XG: variants seen among roughly 807,000 people sequenced by gnomAD.
XG encodes the protein Xg glycoprotein (Xg blood group).
Under a neutral mutation model 25.7 loss-of-function variants are expected in XG, and 24 were observed. The observed-to-expected ratio is 0.93, with a 90% CI of 0.68 to 1.31. The LOEUF (loss-of-function observed/expected upper bound fraction) is 1.31. Among genes scored for constraint, XG ranks in the 40% most tolerant of loss-of-function variants. The pLI is 0.00. For missense variants in XG, 181 were observed against 187.6 expected (o/e 0.96, Z 0.21); for synonymous variants, 77 against 69.2 (o/e 1.11, Z -0.56).
chrX:2,771,761 T>A (rs1034899574), intron 2 of XG, among the ~76,000 whole-genome samples: 1 of 152,206 alleles, frequency 6.6e-6, no homozygotes, highest in African/African-American at 2.4e-5. Flanking sequence ...GATCTGATCC[T>A]AAAAAGCCAA....
At position 2,756,396 on chromosome X, in the gene XG, G is replaced by A. The variant is rs754026080; in HGVS notation, c.61+4061G>A. ...GCACTAGTGTTTACATAATCAGTAGGGTGACTTTAGTTTACAATAATCTAT... is the reference window on the plus strand; with the variant it reads ...GCACTAGTGTTTACATAATCAGTAGAGTGACTTTAGTTTACAATAATCTAT... On this transcript the variant is annotated intron_variant, in intron 1 of 10. Transcript: ENST00000644266. 2.4e-4 allele frequency among the ~76,000 whole-genome samples: 37 copies of A among 152,158 alleles called. No homozygotes were observed. The South Asian group carries it at 5.2e-3, about 21-fold the overall frequency.
At position 2,801,834 on chromosome X, in the gene XG, G is replaced by A. The variant is rs771865163; in HGVS notation, c.373+4474G>A. Among the ~76,000 whole-genome samples, 329 of 110,605 alleles carry A rather than the reference G, an allele frequency of 3.0e-3. 2 individuals are homozygous for A. The highest frequency in any genetic ancestry group is 0.014 in the Middle Eastern group (3 of 216). On this transcript the variant is annotated intron_variant, in intron 7 of 10. Transcript: ENST00000644266. ...CGCCATTCTCCTGCCTCAGCCTCCCGAGTAGCTGGGACTACAGGCGCCCGC... is the reference window on the plus strand; with the variant it reads ...CGCCATTCTCCTGCCTCAGCCTCCCAAGTAGCTGGGACTACAGGCGCCCGC...
chrX:2,781,821 G>A (rs1214165787), intron 3 of XG, among the ~76,000 whole-genome samples: 1 of 110,846 alleles, frequency 9.0e-6, no homozygotes, highest in African/African-American at 3.3e-5. Context: ...CTGGCTTCTT[G>A]CCATGAAAAC....
intron 1 of XG, among the ~76,000 whole-genome samples, chrX:2,758,418 A>G (rs2050484251): frequency 6.6e-6 from 1 of 152,188 alleles, no homozygotes; most frequent in Non-Finnish European, 1.5e-5. Context: ...AAGCGGAGCT[A>G]TGTGCTTCTT....
intron 7 of XG, among the ~76,000 whole-genome samples, chrX:2,805,046 T>A (rs1190740150): frequency 1.8e-5 from 2 of 112,294 alleles, no homozygotes; most frequent in Non-Finnish European, 3.8e-5. Flanking sequence ...AGCGCTCGGA[T>A]TAGCATCAGC....
intron 7 of XG, among the ~76,000 whole-genome samples, chrX:2,803,280 G>T (rs1192709292): frequency 9.0e-6 from 1 of 110,714 alleles, no homozygotes; most frequent in Non-Finnish European, 1.9e-5. Flanking sequence ...GCCTCCCGAG[G>T]AGCTGGGGCT....
rs1191822511 is a variant in XG at position 2,814,350 on chromosome X, A to C, written c.572-14A>C. ...TGCCCCCACAATGACATTTGTTTCT[A>C]ATCTTCCTTTCAGAACCAGAAAATG... On this transcript the variant is annotated splice_polypyrimidine_tract_variant and intron_variant, in intron 10 of 10. Coordinates refer to ENST00000644266, the MANE Select transcript of XG (RefSeq NM_001141919.2). 1 of 1,195,442 alleles carries C rather than the reference A, an allele frequency of 8.4e-7. No individual in the cohort carries two copies. Among genetic ancestry groups the C allele is most frequent in the Non-Finnish European group, 1.1e-6 (1 of 890,585 alleles).
chrX:2,776,342 G>A (rs1394521806), intron 3 of XG, among the ~76,000 whole-genome samples: 4 of 152,180 alleles, frequency 2.6e-5, no homozygotes, highest in African/African-American at 9.6e-5. Context: ...AAAGTAAACA[G>A]TTCCAGGTGC....
At chrX:2,793,841 G>A (rs1243238834) in intron 5 of XG, among the ~76,000 whole-genome samples, 4 of 111,800 alleles carry the variant, frequency 3.6e-5, no homozygotes, top group Non-Finnish European at 5.6e-5. Context: ...GTGAGGGCTG[G>A]GGTTAGGAGC....
At chrX:2,807,639 G>A (rs969700671) in intron 8 of XG, among the ~76,000 whole-genome samples, 6 of 112,711 alleles carry the variant, frequency 5.3e-5, no homozygotes, top group African/African-American at 1.9e-4. Flanking sequence ...TGTGTGGGAT[G>A]TGCATGTGTG....
intron 10 of XG, among the ~76,000 whole-genome samples, chrX:2,813,679 C>T (rs2087078388): frequency 8.9e-6 from 1 of 112,574 alleles, no homozygotes; most frequent in Admixed American, 9.4e-5. Flanking sequence ...AAGCAGATGT[C>T]TGTCACTTGA....
At chrX:2,775,791 A>G (rs1382778705) in intron 3 of XG, among the ~76,000 whole-genome samples, 2 of 151,546 alleles carry the variant, frequency 1.3e-5, no homozygotes, top group African/African-American at 4.9e-5. Flanking sequence ...CCTGGTCTCT[A>G]CTAAATATAA....
chrX:2,767,701 A>G (rs975174695), intron 1 of XG, among the ~76,000 whole-genome samples: 40 of 152,220 alleles, frequency 2.6e-4, no homozygotes, highest in African/African-American at 8.7e-4. Flanking sequence ...GCTTTGCTGC[A>G]ACTTCCCTGG....
intron 1 of XG, among the ~76,000 whole-genome samples, chrX:2,754,307 C>T (rs1191116818): frequency 6.6e-6 from 1 of 152,142 alleles, no homozygotes; most frequent in African/African-American, 2.4e-5. Flanking sequence ...ACTATGTTGT[C>T]CAGGCTGGAC....
chrX:2,788,626 G>A (rs2086807065), intron 4 of XG, among the ~76,000 whole-genome samples: 1 of 111,331 alleles, frequency 9.0e-6, no homozygotes, highest in Non-Finnish European at 1.9e-5. Flanking sequence ...AGGCCAAGGT[G>A]GGCAGATCAC....
chrX:2,790,305 AG>A (rs2086824614), intron 5 of XG, among the ~76,000 whole-genome samples: 1 of 109,729 alleles, frequency 9.1e-6, no homozygotes, highest in Non-Finnish European at 1.9e-5. Flanking sequence ...GTTTGACACC[AG>A]CCTGAGCAAT....
At chrX:2,762,724 CAACCTACGGTCCT>C (rs2050591828) in intron 1 of XG, among the ~76,000 whole-genome samples, 1 of 152,218 alleles carries the variant, frequency 6.6e-6, no homozygotes, top group African/African-American at 2.4e-5. Context: ...CTTTCTGTTG[CAACCTACGGTCCT>C]AACCTAGTCA....
chrX:2,806,134 CT>C (rs1183956802), intron 7 of XG, among the ~76,000 whole-genome samples: 1 of 111,234 alleles, frequency 9.0e-6, no homozygotes, highest in Non-Finnish European at 1.9e-5. Context: ...CTCAAGCAAT[CT>C]TTTGCCTCAG....
At chrX:2,807,705 A>T (rs920108034) in intron 8 of XG, among the ~76,000 whole-genome samples, 3 of 112,100 alleles carry the variant, frequency 2.7e-5, no homozygotes, top group Non-Finnish European at 5.6e-5. Flanking sequence ...CATGTTGCAC[A>T]TGTGTGTAAA....
Sources: allele counts gnomAD v4.1 joint callset (sites outside exome capture counted in the v4.1 genomes callset), GRCh38; gene constraint gnomAD v4.1.1; transcripts MANE v1.5; gene names NCBI Gene and HGNC (gene_info 2026-07-23, HGNC 2026-07-21).